Variants in ISCA1 observed in about 807,000 individuals in gnomAD.
ISCA1 encodes the protein iron-sulfur cluster assembly 1 homolog, mitochondrial.
Under a neutral mutation model 14.7 loss-of-function variants are expected in ISCA1, and 9 were observed. The observed-to-expected ratio is 0.61, with a 90% confidence interval of 0.37 to 1.07. The LOEUF is 1.07. ISCA1 is among the 50% of genes least tolerant of loss of function. The probability of loss-of-function intolerance (pLI) is 0.01; values close to 1 mark genes in which losing one functional copy is unlikely to be tolerated. For missense variants in ISCA1, 102 were observed against 150.1 expected, an observed-to-expected ratio of 0.68 and a Z score of 1.67; for synonymous variants, 38 against 54.3, an observed-to-expected ratio of 0.70 and a Z score of 1.32.
At chr9:86,266,642 C>T (rs950117002) in intron 3 of ISCA1, among the ~76,000 whole-genome samples, 1 of 152,036 alleles carries the variant, frequency 6.6e-6, no homozygotes, top group African/African-American at 2.4e-5. Flanking sequence ...TCAATCAGTA[C>T]AACAATAGTC....
At chr9:86,276,778 T>C (rs10746773) in intron 1 of ISCA1, among the ~76,000 whole-genome samples, 113,649 of 150,386 alleles carry the variant, frequency 0.76, 44,306 homozygotes, top group East Asian at 0.99. Context: ...GGCTGACGCA[T>C]GAGAATCGCT....
chr9:86,278,935 T>C (rs1382851970), intron 1 of ISCA1, among the ~76,000 whole-genome samples: 1 of 152,174 alleles, frequency 6.6e-6, no homozygotes, highest in African/African-American at 2.4e-5. Context: ...AAAACCATAA[T>C]TTACAATGAC....
At chr9:86,276,744 G>A (rs188328989) in intron 1 of ISCA1, among the ~76,000 whole-genome samples, 3 of 151,890 alleles carry the variant, frequency 2.0e-5, no homozygotes, top group Admixed American at 1.3e-4. Flanking sequence ...GATGGCATGC[G>A]CCTGTAATCC....
chr9:86,279,302 T>C (rs1323040492), intron 1 of ISCA1, among the ~76,000 whole-genome samples: 1 of 152,222 alleles, frequency 6.6e-6, no homozygotes, highest in Non-Finnish European at 1.5e-5. Context: ...ACCCCAGTCC[T>C]ACAAATTAGA....
chr9:86,264,977 G>A lies in ISCA1; in HGVS notation c.*1066C>T, dbSNP rs1032083754. The A allele has an allele frequency of 6.6e-6, 1 of 152,160 alleles. No individual in the cohort carries two copies. The highest frequency in any genetic ancestry group is 2.4e-5 in the African/African-American group (1 of 41,428). The allele number at this position is 152,160 out of a possible 1,614,324, so 9.4% of individuals were successfully genotyped here. On this transcript the variant is annotated 3_prime_UTR_variant, in exon 4 of 4. Coordinates refer to ENST00000375991, the MANE Select transcript of ISCA1 (RefSeq NM_030940.4). ...TTAACAAAAGATTACACATTCTCCT[G>A]TACAGTGAGGACCACATTCCAAAAG... is the stretch of plus-strand genomic sequence containing the variant.
At chr9:86,276,870 CAAAAAAAAAA>C (rs35460722) in intron 1 of ISCA1, among the ~76,000 whole-genome samples, 2 of 39,910 alleles carry the variant, frequency 5.0e-5, no homozygotes, top group Admixed American at 4.4e-4. Context: ...GACTCTGTCT[CAAAAAAAAAA>C]AAAAAAAAAA....
intron 1 of ISCA1, 130 bp downstream of exon 1, chr9:86,282,248 G>C: frequency 3.1e-6 from 3 of 977,982 alleles, no homozygotes; most frequent in South Asian, 1.8e-5. Context: ...GCTGTGCGGC[G>C]GGTCGGAGCG....
rs555521201 is a variant in ISCA1 at position 86,282,509 on chromosome 9, G to A, written c.-51C>T. ...CTCGGGCCGAAGGTCGGCCGCCTCA[G>A]CTTCTCTCCATGGACACGGCGGGCG... On this transcript the variant is annotated 5_prime_UTR_variant, in exon 1 of 4. Transcript: ENST00000375991. 225 of 1,549,818 alleles carry A rather than the reference G, an allele frequency of 1.5e-4. 1 individual carries two copies. The South Asian group carries it at 2.5e-3, about 17-fold the overall frequency.
intron 1 of ISCA1, among the ~76,000 whole-genome samples, chr9:86,278,013 A>G (rs1825460491): frequency 6.6e-6 from 1 of 152,206 alleles, no homozygotes; most frequent in Non-Finnish European, 1.5e-5. Context: ...TCAATCCTGT[A>G]TTTCTTTAAG....
chr9:86,274,481 T>C (rs1228494337), intron 1 of ISCA1, among the ~76,000 whole-genome samples: 2 of 152,160 alleles, frequency 1.3e-5, no homozygotes, highest in African/African-American at 2.4e-5. Flanking sequence ...TCAGTCCAGG[T>C]TGGTTCCCTG....
At chr9:86,272,996 T>C (rs2131223519) in intron 2 of ISCA1, among the ~76,000 whole-genome samples, 1 of 152,356 alleles carries the variant, frequency 6.6e-6, no homozygotes, top group South Asian at 2.1e-4. Context: ...GGTGACTGTA[T>C]ACAGCAAAAG....
chr9:86,272,965 C>T (rs923257233), intron 2 of ISCA1, among the ~76,000 whole-genome samples: 4 of 152,084 alleles, frequency 2.6e-5, no homozygotes, highest in African/African-American at 4.8e-5. Context: ...TCCACGTATG[C>T]GGAACCCACA....
intron 2 of ISCA1, 85 bp from the exon 3 acceptor site, chr9:86,272,197 G>A (rs941360516): frequency 6.1e-6 from 5 of 813,436 alleles, no homozygotes; most frequent in Non-Finnish European, 1.0e-5. Flanking sequence ...TAGCCTCCTC[G>A]TACCAAAATG....
At chr9:86,268,728 G>A (rs1825325244) in intron 3 of ISCA1, among the ~76,000 whole-genome samples, 1 of 151,650 alleles carries the variant, frequency 6.6e-6, no homozygotes, top group African/African-American at 2.4e-5. Context: ...AAGAGATGGA[G>A]GTCTCGCTAT....
At chr9:86,267,291 T>C in intron 3 of ISCA1, 1 of 822,196 alleles carries the variant, frequency 1.2e-6, no homozygotes, top group East Asian at 1.2e-4. Context: ...AGCCATTAGC[T>C]AAATATAAAC....
At position 86,265,995 on chromosome 9, in the gene ISCA1, G is replaced by A; in HGVS notation, c.*48C>T. The A allele has an allele frequency of 6.2e-7, 1 of 1,611,714 alleles. No individual in the cohort carries two copies. Among genetic ancestry groups the A allele is most frequent in the Non-Finnish European group, 8.5e-7 (1 of 1,179,678 alleles). ...CATGATTTCTGCAGTGAGCCCCAAA[G>A]CTTCCACGAGCTTTCCTGGAACCTA... On this transcript the variant is annotated 3_prime_UTR_variant, in exon 4 of 4. Coordinates refer to ENST00000375991, the MANE Select transcript of ISCA1 (RefSeq NM_030940.4).
At chr9:86,276,986 C>T (rs1191577502) in intron 1 of ISCA1, among the ~76,000 whole-genome samples, 1 of 151,748 alleles carries the variant, frequency 6.6e-6, no homozygotes, top group Admixed American at 6.6e-5. Context: ...GATGGGCACA[C>T]CACTGCATGA....
At chr9:86,282,076 G>T (rs1216739938) in intron 1 of ISCA1, 1 of 427,894 alleles carries the variant, frequency 2.3e-6, no homozygotes, top group African/African-American at 2.1e-5. Context: ...GAGTGTGGAG[G>T]CGATCGGCCC....
At chr9:86,267,623 G>T in intron 3 of ISCA1, 1 of 869,250 alleles carries the variant, frequency 1.2e-6, no homozygotes, top group Non-Finnish European at 1.4e-6. Context: ...AATAAAAATT[G>T]GAAATACAGG....
Sources: allele counts gnomAD v4.1 joint callset (sites outside exome capture counted in the v4.1 genomes callset), GRCh38; gene constraint gnomAD v4.1.1; transcripts MANE v1.5; gene names NCBI Gene and HGNC (gene_info 2026-07-23, HGNC 2026-07-21).